Variants in IFT140 observed in about 807,000 individuals in gnomAD.
IFT140 encodes the protein intraflagellar transport protein 140 homolog.
In IFT140, 133 loss-of-function variants were observed where a neutral mutation model predicts 164.6. The observed-to-expected ratio is 0.81, with a 90% CI of 0.70 to 0.93. The LOEUF (loss-of-function observed/expected upper bound fraction) is 0.93. Among genes scored for constraint, IFT140 ranks in the 40% least tolerant of loss-of-function variants. The pLI, the probability that IFT140 is intolerant of heterozygous loss-of-function variation, is 0.00. For missense variants in IFT140, 2,045 were observed against 1,972.3 expected (o/e 1.04, Z -0.70); for synonymous variants, 860 against 817.3 (o/e 1.05, Z -0.89).
intron 20 of IFT140, chr16:1,526,280 G>A: frequency 1.6e-6 from 1 of 610,644 alleles, no homozygotes; most frequent in Non-Finnish European, 2.9e-6. Context: ...CACCACCAAG[G>A]GGTACCCCAC....
intron 2 of IFT140, among the ~76,000 whole-genome samples, chr16:1,608,019 GA>G (rs2036161471): frequency 6.6e-6 from 1 of 152,206 alleles, no homozygotes; most frequent in African/African-American, 2.4e-5. Flanking sequence ...AACCAGTACT[GA>G]ATTTCCAATA....
rs1006645165 is a variant in IFT140, at chr16:1,511,267, G to A, written c.4183-117C>T. 6 of 895,482 alleles carry A rather than the reference G, an allele frequency of 6.7e-6. No homozygotes were observed. In the Admixed American group the frequency reaches 1.2e-4, roughly 18 times the overall value. 55.5% of individuals were successfully genotyped at this position (895,482 alleles called of 1,614,324 possible). On this transcript the variant is annotated intron_variant, in intron 30 of 30. Transcript: ENST00000426508. Reference sequence around the variant, plus strand: ...GGCGGGTGGGGGTGCCTCCGCGCTGGAGGACACGGGGTGCACTGAGGCTTC... The same window carrying A: ...GGCGGGTGGGGGTGCCTCCGCGCTGAAGGACACGGGGTGCACTGAGGCTTC...
At chr16:1,595,333 A>G (rs1170107086) in intron 4 of IFT140, among the ~76,000 whole-genome samples, 1 of 148,264 alleles carries the variant, frequency 6.7e-6, no homozygotes, top group Non-Finnish European at 1.5e-5. Flanking sequence ...AAGGAAACTT[A>G]CAGACCAGGC....
intron 9 of IFT140, 102 bp from the exon 10 acceptor site, chr16:1,586,377 G>T: frequency 1.6e-6 from 2 of 1,222,566 alleles, no homozygotes; most frequent in Non-Finnish European, 2.3e-6. Context: ...ATCAGCCCTC[G>T]CCCAGTCTGG....
intron 6 of IFT140, among the ~76,000 whole-genome samples, chr16:1,590,667 G>A (rs142866800): frequency 1.4e-3 from 217 of 152,310 alleles, no homozygotes; most frequent in African/African-American, 4.9e-3. Context: ...GGGGACTCAG[G>A]CTCATTTTTG....
chr16:1,575,698 G>A (rs2034239343), intron 13 of IFT140, among the ~76,000 whole-genome samples: 1 of 152,078 alleles, frequency 6.6e-6, no homozygotes, highest in Admixed American at 6.5e-5. Flanking sequence ...TGTTCTCCCA[G>A]CAGGCCATTC....
At chr16:1,603,562 G>A (rs1050439176) in intron 3 of IFT140, among the ~76,000 whole-genome samples, 1 of 151,694 alleles carries the variant, frequency 6.6e-6, no homozygotes, top group African/African-American at 2.4e-5. Flanking sequence ...TGAGCTCACC[G>A]CAACCTCCGC....
intron 4 of IFT140, among the ~76,000 whole-genome samples, chr16:1,598,140 A>C (rs571956789): frequency 1.1e-4 from 17 of 152,342 alleles, no homozygotes; most frequent in Admixed American, 9.2e-4. Context: ...GATAAAAAAA[A>C]AACTTGGCGA....
intron 19 of IFT140, chr16:1,555,316 T>C (rs2033004780): frequency 4.7e-6 from 2 of 423,456 alleles, no homozygotes; most frequent in Non-Finnish European, 4.3e-6. Context: ...AGACACAGGT[T>C]AGGTGGCGCG....
At chr16:1,524,166 T>C in intron 24 of IFT140, 1 of 673,486 alleles carries the variant, frequency 1.5e-6, no homozygotes, top group Non-Finnish European at 2.4e-6. Flanking sequence ...CACAGAGCAC[T>C]GCAAGAAATA....
intron 30 of IFT140, among the ~76,000 whole-genome samples, chr16:1,516,724 T>G (rs369436426): frequency 1.4e-5 from 2 of 142,812 alleles, no homozygotes; most frequent in Non-Finnish European, 3.0e-5. Context: ...GAGCCGAGAT[T>G]GCACCACCGC....
intron 1 of IFT140, 61 bp downstream of exon 1, chr16:1,611,907 G>C (rs1413957166): frequency 6.6e-6 from 1 of 151,976 alleles, no homozygotes; most frequent in Non-Finnish European, 1.5e-5. Flanking sequence ...GCCCAGCGCC[G>C]CTCGGCTACG....
chr16:1,538,035 G>A (rs937908643), intron 19 of IFT140, among the ~76,000 whole-genome samples: 3 of 152,214 alleles, frequency 2.0e-5, no homozygotes, highest in Admixed American at 6.5e-5. Flanking sequence ...GCAGAGCCAC[G>A]CAGAGCCACG....
At chr16:1,599,930 CCA>C in intron 4 of IFT140, among the ~76,000 whole-genome samples, 1 of 126,324 alleles carries the variant, frequency 7.9e-6, no homozygotes, top group Non-Finnish European at 1.6e-5. Flanking sequence ...CTCTGCCCGG[CCA>C]CCACCCCGTC....
intron 19 of IFT140, 57 bp from the exon 20 acceptor site, chr16:1,526,853 C>A: frequency 6.6e-7 from 1 of 1,522,042 alleles, no homozygotes; most frequent in East Asian, 2.3e-5. Flanking sequence ...GCCCCCTGGC[C>A]CTACGGCCCC....
In IFT140 at chr16:1,564,081, A is replaced by T; in HGVS notation, c.1983T>A (p.Phe661Leu). ...GCGTCTCCTGCACGGCTTCGCATAC[A>T]AACAGCCGGGGCTCACTCTGGTCCC... The part of the protein sequence containing the change: ...HFWDQSEPRL[F>L]VCEAVQETPR... Residue 661 changes from phenylalanine to leucine, a missense_variant, in exon 17 of 31, where the codon TTT becomes TTA. By Grantham distance (22) the Phe-to-Leu change is conservative. Coordinates refer to ENST00000426508, the MANE Select transcript of IFT140 (RefSeq NM_014714.4). This position sits in a 1 kb window ranked among gnomAD's most constrained non-coding sequence, Gnocchi z 5.5. The T allele has an allele frequency of 1.2e-6, 2 of 1,605,148 alleles. No homozygotes were observed. Among genetic ancestry groups the T allele is most frequent in the Admixed American group, 3.3e-5 (2 of 59,834 alleles).
chr16:1,610,751 C>T lies in IFT140; in HGVS notation c.-119G>A, dbSNP rs2036294840. On this transcript the variant is annotated 5_prime_UTR_variant, in exon 2 of 31. Coordinates refer to ENST00000426508, the MANE Select transcript of IFT140 (RefSeq NM_014714.4). ...TAGCCGAAGGTGAGCGAGGCGGCCCCGAGGACTCCCGAAGCGCCCCGAGCG... is the reference window on the plus strand; with the variant it reads ...TAGCCGAAGGTGAGCGAGGCGGCCCTGAGGACTCCCGAAGCGCCCCGAGCG... 6.5e-6 allele frequency: 1 copy of T among 153,462 alleles called. No individual in the cohort carries two copies. Among genetic ancestry groups the T allele is most frequent in the Non-Finnish European group, 1.5e-5 (1 of 68,222 alleles). 9.5% of individuals were successfully genotyped at this position (153,462 alleles called of 1,614,324 possible).
intron 19 of IFT140, among the ~76,000 whole-genome samples, chr16:1,545,272 C>T (rs2032071260): frequency 6.6e-6 from 1 of 151,882 alleles, no homozygotes; most frequent in Admixed American, 6.6e-5. Context: ...GTTCAACAAC[C>T]GCCAGAACGG....
chr16:1,594,381 T>C (rs1197951941), intron 4 of IFT140, among the ~76,000 whole-genome samples: 1 of 152,038 alleles, frequency 6.6e-6, no homozygotes, highest in Non-Finnish European at 1.5e-5. Flanking sequence ...CCACCACAGC[T>C]GGCTAATTTT....
Sources: allele counts gnomAD v4.1 joint callset (sites outside exome capture counted in the v4.1 genomes callset), GRCh38; gene constraint gnomAD v4.1.1; non-coding constraint Gnocchi (gnomAD v3.1); transcripts MANE v1.5; gene names NCBI Gene and HGNC (gene_info 2026-07-23, HGNC 2026-07-21).